Variants in RFX7 observed in about 807,000 individuals in gnomAD.
RFX7 encodes the protein regulatory factor X7, also known as DNA-binding protein RFX7.
Under a neutral mutation model 111.8 loss-of-function variants are expected in RFX7, and 26 were observed. The ratio of observed to expected loss-of-function variants is 0.23; its 90% CI spans 0.17 to 0.32. The LOEUF (loss-of-function observed/expected upper bound fraction) is 0.32. RFX7 is among the 10% of genes least tolerant of loss of function. The pLI, the probability that RFX7 is intolerant of heterozygous loss-of-function variation, is 1.00. For synonymous variants in RFX7, 624 were observed against 624.4 expected, an observed-to-expected ratio of 1.00 and a Z score of 0.01; for missense variants, 1,573 against 1,772.9, an observed-to-expected ratio of 0.89 and a Z score of 2.02.
chr15:56,236,806 C>T (rs111795574), intron 2 of RFX7, among the ~76,000 whole-genome samples: 1 of 152,198 alleles, frequency 6.6e-6, no homozygotes, highest in Non-Finnish European at 1.5e-5. Context: ...CACAAACAGC[C>T]TCCCTACTAC....
intron 3 of RFX7, among the ~76,000 whole-genome samples, chr15:56,153,007 C>T (rs1413153687): frequency 2.0e-5 from 3 of 152,182 alleles, no homozygotes; most frequent in East Asian, 3.9e-4. Context: ...AAGTCTAAGC[C>T]ACAAAGAAGT....
At chr15:56,230,173 G>T (rs1425866960) in intron 2 of RFX7, among the ~76,000 whole-genome samples, 2 of 152,112 alleles carry the variant, frequency 1.3e-5, no homozygotes, top group African/African-American at 4.8e-5. Context: ...TATCTCTTGG[G>T]AACTAGGCTG....
intron 5 of RFX7, among the ~76,000 whole-genome samples, chr15:56,112,308 T>G (rs1049022691): frequency 2.8e-5 from 4 of 142,298 alleles, no homozygotes; most frequent in African/African-American, 1.1e-4. Flanking sequence ...ATTAGTAAAT[T>G]GTAAAAATAA....
intron 5 of RFX7, among the ~76,000 whole-genome samples, chr15:56,117,562 G>T (rs1265362332): frequency 6.6e-6 from 1 of 152,014 alleles, no homozygotes; most frequent in Non-Finnish European, 1.5e-5. Context: ...TCATTTTTCA[G>T]TACTATACAA....
intron 2 of RFX7, among the ~76,000 whole-genome samples, chr15:56,228,362 T>C (rs1443685269): frequency 1.3e-5 from 2 of 152,156 alleles, no homozygotes; most frequent in African/African-American, 4.8e-5. Flanking sequence ...ACTATGGAAT[T>C]GAACTATGGA....
chr15:56,111,513 A>G (rs1217811617), intron 5 of RFX7, among the ~76,000 whole-genome samples: 3 of 151,444 alleles, frequency 2.0e-5, no homozygotes, highest in Non-Finnish European at 3.0e-5. Context: ...AACACTGAGG[A>G]AGGCCGCAGG....
chr15:56,096,303 C>A lies in RFX7; in HGVS notation c.1425G>T (p.Met475Ile). 2 of 1,613,908 alleles carry A rather than the reference C, an allele frequency of 1.2e-6. No homozygotes were observed. Among genetic ancestry groups the A allele is most frequent in the Non-Finnish European group, 1.7e-6 (2 of 1,179,862 alleles). ...SHMSSLNVVK[M>I]TTISLTPSNS... ...TGCTGGGTGTGAGGGATATTGTTGT[C>A]ATTTTCACCACATTTAGAGAACTCA... The change falls in exon 10 of 10, where the codon ATG becomes ATT. Residue 475 changes from methionine to isoleucine, a missense_variant. Transcript: ENST00000559447.
intron 5 of RFX7, among the ~76,000 whole-genome samples, chr15:56,105,635 AT>A (rs201092002): frequency 5.3e-5 from 8 of 150,454 alleles, no homozygotes; most frequent in South Asian, 2.1e-4. Context: ...TCAGATTTTG[AT>A]TTTTTTTTTC....
rs1489144787 is a variant in RFX7 at position 56,092,289 on chromosome 15, T to C, written c.*1056A>G. 1.3e-5 allele frequency: 2 copies of C among 152,570 alleles called. No homozygotes were observed. The highest frequency in any genetic ancestry group is 2.9e-5 in the Non-Finnish European group (2 of 67,982). 9.5% of individuals were successfully genotyped at this position (152,570 alleles called of 1,614,324 possible). ...TGGTGAAATGTTTTTTGTTGTTTTT[T>C]ATGTTATCCTCCTTCCTGTTTTTCA... On this transcript the variant is annotated 3_prime_UTR_variant, in exon 10 of 10. Coordinates refer to ENST00000559447, the MANE Select transcript of RFX7 (RefSeq NM_022841.7).
At chr15:56,236,842 C>A (rs1329083218) in intron 2 of RFX7, among the ~76,000 whole-genome samples, 2 of 152,162 alleles carry the variant, frequency 1.3e-5, no homozygotes, top group East Asian at 3.8e-4. Context: ...AGTTAGTAAA[C>A]TCCCCAACAA....
At chr15:56,196,378 A>T (rs530664943) in intron 2 of RFX7, among the ~76,000 whole-genome samples, 1 of 152,092 alleles carries the variant, frequency 6.6e-6, no homozygotes, top group Admixed American at 6.6e-5. Context: ...AATGCTGACT[A>T]TCTCCATAAA....
intron 3 of RFX7, among the ~76,000 whole-genome samples, chr15:56,157,679 C>T (rs1257328953): frequency 6.6e-6 from 1 of 152,210 alleles, no homozygotes; most frequent in Non-Finnish European, 1.5e-5. Context: ...CTCCCAGGTT[C>T]AAGCATTCTC....
chr15:56,180,964 G>A (rs2042964462), intron 2 of RFX7, among the ~76,000 whole-genome samples: 1 of 152,058 alleles, frequency 6.6e-6, no homozygotes. Flanking sequence ...TGTCTAAGGT[G>A]TTACAATAAC....
intron 2 of RFX7, among the ~76,000 whole-genome samples, chr15:56,221,834 C>T (rs74462269): frequency 0.012 from 1,890 of 152,216 alleles, 42 homozygotes; most frequent in African/African-American, 0.041. Context: ...TGCTGTTTCA[C>T]GATCTTTTAC....
chr15:56,231,316 G>A (rs1391991653), intron 2 of RFX7, among the ~76,000 whole-genome samples: 2 of 152,116 alleles, frequency 1.3e-5, no homozygotes, highest in Non-Finnish European at 2.9e-5. Context: ...CCTGAGACTG[G>A]GTAATTTATA....
At chr15:56,160,551 T>G (rs1285657800) in intron 3 of RFX7, among the ~76,000 whole-genome samples, 1 of 151,998 alleles carries the variant, frequency 6.6e-6, no homozygotes, top group Non-Finnish European at 1.5e-5. Context: ...AATACTAATT[T>G]TTCCCCCCTC....
chr15:56,196,239 A>T (rs2043144601), intron 2 of RFX7, among the ~76,000 whole-genome samples: 1 of 151,996 alleles, frequency 6.6e-6, no homozygotes, highest in Non-Finnish European at 1.5e-5. Flanking sequence ...TTTTTTCTTT[A>T]AGGAAGAAAA....
chr15:56,190,562 C>T (rs2043089670), intron 2 of RFX7, among the ~76,000 whole-genome samples: 1 of 152,154 alleles, frequency 6.6e-6, no homozygotes. Context: ...CATTCCCTTC[C>T]ATAGATATGA....
intron 5 of RFX7, among the ~76,000 whole-genome samples, chr15:56,128,248 A>G (rs1349256129): frequency 6.6e-6 from 1 of 152,186 alleles, no homozygotes; most frequent in Admixed American, 6.5e-5. Context: ...TATTAAGGCC[A>G]ACACTATCCT....
Sources: gnomAD v4.1 joint callset for allele counts (sites outside exome capture counted in the v4.1 genomes callset) on GRCh38, gnomAD v4.1.1 for gene constraint, MANE v1.5 for transcripts, NCBI Gene and HGNC (gene_info 2026-07-23, HGNC 2026-07-21) for gene names.